Variants in EP400 observed in about 807,000 individuals in gnomAD.
EP400 encodes E1A binding protein p400.
A neutral mutation model predicts 354.1 loss-of-function variants in EP400; 105 were observed. The ratio of observed to expected loss-of-function variants is 0.30; its 90% CI spans 0.25 to 0.35. EP400 has a LOEUF of 0.35. EP400 is among the 10% of genes least tolerant of loss of function. The pLI, the probability that EP400 is intolerant of heterozygous loss-of-function variation, is 1.00. For missense variants in EP400, 3,280 were observed against 4,121.0 expected, an observed-to-expected ratio of 0.80 and a Z score of 5.59; for synonymous variants, 1,646 against 1,716.9, an observed-to-expected ratio of 0.96 and a Z score of 1.02.
At chr12:132,011,079 G>A (rs184182083) in intron 15 of EP400, among the ~76,000 whole-genome samples, 17 of 152,344 alleles carry the variant, frequency 1.1e-4, no homozygotes, top group Admixed American at 6.5e-4. Flanking sequence ...CAGTTTAGAC[G>A]CCTGCTGTGT....
At chr12:131,954,385 C>T (rs1293610111) in intron 1 of EP400, among the ~76,000 whole-genome samples, 1 of 151,252 alleles carries the variant, frequency 6.6e-6, no homozygotes, top group Non-Finnish European at 1.5e-5. Context: ...CCCAGTAGTT[C>T]GAGACCAGCC....
intron 11 of EP400, 22 bp downstream of exon 11, chr12:131,992,252 T>C (rs1893065168): frequency 1.2e-6 from 2 of 1,602,816 alleles, no homozygotes; most frequent in East Asian, 4.5e-5. Context: ...CTCAGCACTA[T>C]CTTTGTCATC....
intron 45 of EP400, among the ~76,000 whole-genome samples, chr12:132,057,836 T>C (rs577261518): frequency 1.4e-4 from 21 of 152,214 alleles, no homozygotes; most frequent in Non-Finnish European, 2.9e-4. Flanking sequence ...ATTTAGCGTT[T>C]TATTTTGAAA....
intron 2 of EP400, among the ~76,000 whole-genome samples, chr12:131,977,024 A>G (rs531075189): frequency 3.9e-5 from 6 of 152,178 alleles, no homozygotes; most frequent in Non-Finnish European, 7.4e-5. Context: ...ACCGTGTTCT[A>G]TTCCCTTCTT....
chr12:131,962,840 A>G (rs1410448178), intron 2 of EP400, among the ~76,000 whole-genome samples: 1 of 152,192 alleles, frequency 6.6e-6, no homozygotes, highest in Non-Finnish European at 1.5e-5. Flanking sequence ...ATACAGTTAA[A>G]ATAATTTAAA....
intron 39 of EP400, among the ~76,000 whole-genome samples, chr12:132,046,121 G>A (rs1565927715): frequency 6.6e-6 from 1 of 152,248 alleles, no homozygotes; most frequent in African/African-American, 2.4e-5. Flanking sequence ...AGTTCACGTT[G>A]TGCTTGTTGG....
chr12:131,982,981 AAAAATAAT>A (rs907174785), intron 5 of EP400, among the ~76,000 whole-genome samples: 3 of 151,096 alleles, frequency 2.0e-5, no homozygotes, highest in African/African-American at 7.4e-5. Flanking sequence ...AAAAAAAAAA[AAAAATAAT>A]AATAATAATA....
chr12:132,010,492 G>A (rs1267998888), intron 15 of EP400, among the ~76,000 whole-genome samples: 1 of 152,116 alleles, frequency 6.6e-6, no homozygotes, highest in African/African-American at 2.4e-5. Context: ...TCCAGGATCA[G>A]CAGGAATGCT....
intron 2 of EP400, among the ~76,000 whole-genome samples, chr12:131,969,700 A>G (rs1850882273): frequency 6.6e-6 from 1 of 152,052 alleles, no homozygotes; most frequent in African/African-American, 2.4e-5. Context: ...TTCGGTGGGG[A>G]ATAGTAATTT....
rs1894000298 is a variant in EP400, at chr12:132,017,971, C to T, written c.4111-239C>T. 6.6e-6 allele frequency among the ~76,000 whole-genome samples: 1 copy of T among 152,150 alleles called. No individual in the cohort carries two copies. The highest frequency in any genetic ancestry group is 1.5e-5 in the Non-Finnish European group (1 of 68,020). On this transcript the variant is annotated intron_variant, in intron 20 of 52. Coordinates refer to ENST00000389561, the MANE Select transcript of EP400 (RefSeq NM_015409.5). This position sits in a 1 kb window ranked among gnomAD's most constrained non-coding sequence, Gnocchi z 5.0. Reference sequence around the variant, plus strand: ...AGATGCAGAGGGCAGGCTTTCTTGGCGTTGTGTGGATTGTGGGCTGTGAGA... The same window carrying T: ...AGATGCAGAGGGCAGGCTTTCTTGGTGTTGTGTGGATTGTGGGCTGTGAGA...
In EP400 at chr12:132,073,459, C is replaced by CTTTT. The variant is rs58724167; in HGVS notation, c.9022-3046_9022-3043dup. 6.1e-3 allele frequency among the ~76,000 whole-genome samples: 718 copies of CTTTT among 117,702 alleles called. 40 individuals carry two copies. The highest frequency in any genetic ancestry group is 0.042 in the East Asian group (190 of 4,578). 77.2% of individuals were successfully genotyped at this position (117,702 alleles called of 152,430 possible). A position where few individuals can be genotyped will look rare whatever the true frequency, so the allele number is the denominator to read the frequency against. ...GTGCGTTTTAATTCTGTCCCTTTTCCTTTTTTTTTTTTTTGACACAGTCTT... is the reference window on the plus strand; with the variant it reads ...GTGCGTTTTAATTCTGTCCCTTTTCCTTTTTTTTTTTTTTTTTTGACACAGTCTT... On this transcript the variant is annotated intron_variant, in intron 51 of 52. Transcript: ENST00000389561.
In EP400 at chr12:131,982,265, C is replaced by T. The variant is rs1438846457; in HGVS notation, c.1716C>T (p.Ser572=). The change falls in exon 5 of 53, where the codon TCC becomes TCT. Residue 572 remains serine, a synonymous_variant. Transcript: ENST00000389561. ...CCGGTGTTCCCACTGCAGCCCTCTC[C>T]TCTGCGCTGCAGTTTGCACAGCAGC... ...PPAGVPTAAL[S]SALQFAQQPQ... 1 of 1,614,088 alleles carries T rather than the reference C, an allele frequency of 6.2e-7. No individual in the cohort carries two copies. The highest frequency in any genetic ancestry group is 8.5e-7 in the Non-Finnish European group (1 of 1,180,038).
chr12:132,073,789 A>C (rs1161815569), intron 51 of EP400, among the ~76,000 whole-genome samples: 1 of 151,358 alleles, frequency 6.6e-6, no homozygotes, highest in Non-Finnish European at 1.5e-5. Flanking sequence ...TTTTATGTGG[A>C]ATTACTTTCC....
chr12:132,013,821 A>G lies in EP400; in HGVS notation c.3831A>G (p.Glu1277=). 2 of 1,614,276 alleles carry G rather than the reference A, an allele frequency of 1.2e-6. No individual in the cohort carries two copies. Among genetic ancestry groups the G allele is most frequent in the Non-Finnish European group, 1.7e-6 (2 of 1,180,052 alleles). Reference sequence around the variant, plus strand: ...TGAGGAGAACTAAGAGAGATGTGGAAAAGCAACTAACAAAGAAATATGAGC... The same window carrying G: ...TGAGGAGAACTAAGAGAGATGTGGAGAAGCAACTAACAAAGAAATATGAGC... ...FILRRTKRDV[E]KQLTKKYEHV... is the part of the protein sequence containing the mutation. Residue 1277 remains glutamate (E), a synonymous_variant, in exon 19 of 53, where the codon GAA becomes GAG. Transcript: ENST00000389561. This position sits in a 1 kb window ranked among gnomAD's most constrained non-coding sequence, Gnocchi z 4.5.
chr12:131,967,551 G>A (rs116280126), intron 2 of EP400, among the ~76,000 whole-genome samples: 2,351 of 151,838 alleles, frequency 0.015, 63 homozygotes, highest in African/African-American at 0.053. Context: ...TTAGCCAGGC[G>A]TAGTGGCGTG....
intron 24 of EP400, among the ~76,000 whole-genome samples, chr12:132,024,873 C>T (rs1304054726): frequency 6.6e-6 from 1 of 151,574 alleles, no homozygotes; most frequent in African/African-American, 2.4e-5. Context: ...CCTTCCGTGA[C>T]TGCAGCCTCA....
chr12:131,952,051 CTGGGATTACAGGCA>C (rs1413721390), intron 1 of EP400, among the ~76,000 whole-genome samples: 1 of 151,764 alleles, frequency 6.6e-6, no homozygotes, highest in African/African-American at 2.4e-5. Context: ...CTCCCCTTTG[CTGGGATTACAGGCA>C]TGGTGAGCCA....
intron 30 of EP400, among the ~76,000 whole-genome samples, chr12:132,035,378 A>G (rs907712947): frequency 6.6e-6 from 1 of 152,222 alleles, no homozygotes; most frequent in Non-Finnish European, 1.5e-5. Flanking sequence ...TTGAGCAGCC[A>G]GGTGGAAAAT....
Position 132,067,278 on chromosome 12 carries a change from A to G in EP400, c.8750-84A>G. ...TTTCATAGTTTGTTATTTTCTGTAG[A>G]GGTGAGTCAGTTGGAACAGAGCTTG... On this transcript the variant is annotated intron_variant, in intron 49 of 52. Coordinates refer to ENST00000389561, the MANE Select transcript of EP400 (RefSeq NM_015409.5). The surrounding 1 kb of genome is among the most constrained non-coding windows in gnomAD (Gnocchi z 5.3). The G allele has an allele frequency of 1.9e-6, 3 of 1,540,874 alleles. No individual in the cohort carries two copies. The highest frequency in any genetic ancestry group is 2.5e-5 in the South Asian group (2 of 81,574).
Sources: gnomAD v4.1 joint callset for allele counts (sites outside exome capture counted in the v4.1 genomes callset) on GRCh38, gnomAD v4.1.1 for gene constraint, Gnocchi (gnomAD v3.1) non-coding constraint, MANE v1.5 for transcripts, NCBI Gene and HGNC (gene_info 2026-07-23, HGNC 2026-07-21) for gene names.